NIPBL: variants seen among roughly 807,000 people sequenced by gnomAD.
The protein encoded by NIPBL is nipped-B-like protein.
Under a neutral mutation model 321.8 loss-of-function variants are expected in NIPBL, and 19 were observed. The observed-to-expected ratio is 0.06, with a 90% CI of 0.04 to 0.09. The LOEUF (loss-of-function observed/expected upper bound fraction) is 0.09. Ranked by LOEUF, NIPBL falls within the 10% of genes least tolerant of loss-of-function variation. The probability of loss-of-function intolerance (pLI) is 1.00; values close to 1 mark genes in which losing one functional copy is unlikely to be tolerated. For missense variants in NIPBL, 2,210 were observed against 3,327.0 expected (o/e 0.66, Z 8.26); for synonymous variants, 1,106 against 1,114.1 (o/e 0.99, Z 0.14).
At chr5:36,922,110 A>ACTCCTGAC in intron 1 of NIPBL, among the ~76,000 whole-genome samples, 1 of 149,946 alleles carries the variant, frequency 6.7e-6, no homozygotes, top group South Asian at 2.1e-4. Flanking sequence ...CTGGTCTTGA[A>ACTCCTGAC]CTCCTGACCT....
At chr5:36,888,015 C>T (rs1746045096) in intron 1 of NIPBL, among the ~76,000 whole-genome samples, 1 of 152,158 alleles carries the variant, frequency 6.6e-6, no homozygotes, top group Non-Finnish European at 1.5e-5. Flanking sequence ...CAGTTATTCA[C>T]CCAGTTCTGA....
At chr5:37,025,771 A>G (rs978188336) in intron 30 of NIPBL, among the ~76,000 whole-genome samples, 4 of 152,176 alleles carry the variant, frequency 2.6e-5, no homozygotes, top group Non-Finnish European at 5.9e-5. Context: ...AAGTTCAACT[A>G]TACTTCATAA....
At chr5:37,022,780 G>A (rs1017491284) in intron 29 of NIPBL, among the ~76,000 whole-genome samples, 1 of 152,106 alleles carries the variant, frequency 6.6e-6, no homozygotes, top group Non-Finnish European at 1.5e-5. Flanking sequence ...CGTACAGAAC[G>A]TTGGTACCTG....
At chr5:37,056,456 A>T (rs1477655741) in intron 42 of NIPBL, among the ~76,000 whole-genome samples, 1 of 152,094 alleles carries the variant, frequency 6.6e-6, no homozygotes, top group East Asian at 1.9e-4. Flanking sequence ...AAATGCTTGA[A>T]TTCTCTATTA....
chr5:37,064,352 GTA>G (rs1755161129), intron 46 of NIPBL, 173 bp from the exon 47 acceptor site: 2 of 985,264 alleles, frequency 2.0e-6, no homozygotes, highest in Non-Finnish European at 1.2e-6. Context: ...GGTTTTACAA[GTA>G]TATGTTAACC....
At chr5:37,004,233 A>G (rs576672781) in intron 16 of NIPBL, among the ~76,000 whole-genome samples, 4 of 152,316 alleles carry the variant, frequency 2.6e-5, no homozygotes, top group African/African-American at 9.6e-5. Context: ...ATGGTTTATT[A>G]ATTGAGTGAA....
intron 21 of NIPBL, among the ~76,000 whole-genome samples, chr5:37,010,530 G>A (rs1747995601): frequency 6.6e-6 from 1 of 151,988 alleles, no homozygotes; most frequent in South Asian, 2.1e-4. Context: ...TGGTCAGGCT[G>A]GTCTCGAACT....
chr5:36,921,822 A>G (rs1432138343), intron 1 of NIPBL, among the ~76,000 whole-genome samples: 1 of 152,174 alleles, frequency 6.6e-6, no homozygotes, highest in Admixed American at 6.5e-5. Flanking sequence ...CAGGGGGACA[A>G]GAAATTATTA....
intron 4 of NIPBL, among the ~76,000 whole-genome samples, chr5:36,960,472 T>A (rs900843940): frequency 4.6e-5 from 7 of 152,014 alleles, no homozygotes; most frequent in Non-Finnish European, 7.4e-5. Flanking sequence ...AAAAGAAAAG[T>A]CAGAAGTTGA....
chr5:36,975,751 TA>T, intron 8 of NIPBL, 24 bp from the exon 9 acceptor site: 1 of 1,611,394 alleles, frequency 6.2e-7, no homozygotes, highest in Non-Finnish European at 8.5e-7. Flanking sequence ...CCACAACTGT[TA>T]CTTCTATCGA....
At chr5:36,977,839 T>A (rs186185832) in intron 9 of NIPBL, among the ~76,000 whole-genome samples, 84 of 152,008 alleles carry the variant, frequency 5.5e-4, no homozygotes, top group African/African-American at 1.9e-3. Context: ...TTCCCACTTA[T>A]AAGTGAGAAC....
At chr5:36,890,914 C>T (rs775608012) in intron 1 of NIPBL, among the ~76,000 whole-genome samples, 17 of 152,182 alleles carry the variant, frequency 1.1e-4, no homozygotes, top group African/African-American at 3.6e-4. Context: ...GTACATCAAA[C>T]ACTGAGTGAT....
At chr5:36,924,466 G>A (rs1749198676) in intron 1 of NIPBL, among the ~76,000 whole-genome samples, 10 of 152,138 alleles carry the variant, frequency 6.6e-5, no homozygotes, top group Admixed American at 6.5e-4. Flanking sequence ...TATTAGCTGT[G>A]TGAACTTAGG....
At chr5:36,888,549 T>G (rs1746088354) in intron 1 of NIPBL, among the ~76,000 whole-genome samples, 1 of 152,110 alleles carries the variant, frequency 6.6e-6, no homozygotes, top group South Asian at 2.1e-4. Flanking sequence ...TAAATAACAT[T>G]TTCACTTTTA....
chr5:37,050,262 A>G (rs374933889), intron 40 of NIPBL, among the ~76,000 whole-genome samples: 7 of 152,002 alleles, frequency 4.6e-5, no homozygotes, highest in East Asian at 3.9e-4. Context: ...TCAGGAGTTC[A>G]AAACCAGCAT....
rs12187383 is a variant in NIPBL at position 37,027,156 on chromosome 5, C to A, written c.5809-203C>A. ...AAACCTCAATACATTAAACTAATTTCTTCAATGTTTTCCAAGATATTTTTT... is the reference window on the plus strand; with the variant it reads ...AAACCTCAATACATTAAACTAATTTATTCAATGTTTTCCAAGATATTTTTT... On this transcript the variant is annotated intron_variant, in intron 31 of 46. Transcript: ENST00000282516. 0.11 allele frequency among the ~76,000 whole-genome samples: 17,359 copies of A among 152,128 alleles called. 1,073 individuals carry two copies. The highest frequency in any genetic ancestry group is 0.18 in the Admixed American group (2,773 of 15,276).
rs1310523457 is a variant in NIPBL, at chr5:37,065,128, A to C, written c.*236A>C. Reference sequence around the variant, plus strand: ...TCCCACTGTATTATAGTTTAACAAAAATTGTTTATATCTTGGAAAAAAAAC... The same window carrying C: ...TCCCACTGTATTATAGTTTAACAAACATTGTTTATATCTTGGAAAAAAAAC... On this transcript the variant is annotated 3_prime_UTR_variant, in exon 47 of 47. Transcript: ENST00000282516. 1.9e-6 allele frequency: 1 copy of C among 536,718 alleles called. No individual in the cohort carries two copies. Among genetic ancestry groups the C allele is most frequent in the African/African-American group, 1.9e-5 (1 of 52,510 alleles). The allele number at this position is 536,718 out of a possible 1,614,324, so 33.2% of individuals were successfully genotyped here.
chr5:37,021,721 A>C (rs1029549961), intron 27 of NIPBL, among the ~76,000 whole-genome samples: 2 of 152,198 alleles, frequency 1.3e-5, no homozygotes, highest in Non-Finnish European at 2.9e-5. Context: ...CAACTACCAA[A>C]TTATGATTTG....
rs778655592 is a variant in NIPBL, at chr5:37,026,913, C to CA, written c.5809-433dup. Among the ~76,000 whole-genome samples the CA allele has an allele frequency of 9.7e-3, 1,137 of 116,754 alleles. 3 individuals carry two copies. Among genetic ancestry groups the CA allele is most frequent in the Non-Finnish European group, 0.012 (684 of 54,970 alleles). 76.6% of individuals were successfully genotyped at this position (116,754 alleles called of 152,430 possible). A position where few individuals can be genotyped will look rare whatever the true frequency, so the allele number is the denominator to read the frequency against. ...GCAATATAATAGCAAGATCCCTTCT[C>CA]AAAAAAAAAAAAAGAAAAGAAAGAA... On this transcript the variant is annotated intron_variant, in intron 31 of 46. Coordinates refer to ENST00000282516, the MANE Select transcript of NIPBL (RefSeq NM_133433.4).
Sources: allele counts gnomAD v4.1 joint callset (sites outside exome capture counted in the v4.1 genomes callset), GRCh38; gene constraint gnomAD v4.1.1; transcripts MANE v1.5; gene names NCBI Gene and HGNC (gene_info 2026-07-23, HGNC 2026-07-21).